The following TSPEAR variants were observed in gnomAD, a reference collection of about 807,000 sequenced individuals.
TSPEAR encodes thrombospondin type laminin G domain and EAR repeats.
TSPEAR carries 69 observed loss-of-function variants against 71.6 expected under a neutral mutation model. The observed-to-expected ratio is 0.96, with a 90% CI of 0.79 to 1.18. TSPEAR has a LOEUF of 1.18. Ranked by LOEUF, TSPEAR falls within the 50% of genes most tolerant of loss-of-function variation. TSPEAR has a pLI of 0.00. For missense variants in TSPEAR, 971 were observed against 894.9 expected (o/e 1.09, Z -1.09); for synonymous variants, 402 against 387.2 (o/e 1.04, Z -0.45).
intron 9 of TSPEAR, among the ~76,000 whole-genome samples, 183 bp from the exon 10 acceptor site, chr21:44,509,569 G>C (rs1036944625): frequency 2.0e-5 from 3 of 151,308 alleles, no homozygotes; most frequent in African/African-American, 7.3e-5. Flanking sequence ...GGGCGCAGAG[G>C]TGTGGGAGAG....
At chr21:44,608,317 G>C (rs1337926014) in intron 1 of TSPEAR, among the ~76,000 whole-genome samples, 1 of 152,148 alleles carries the variant, frequency 6.6e-6, no homozygotes, top group Non-Finnish European at 1.5e-5. Context: ...GCATGCCCTG[G>C]CTCATGAGAG....
chr21:44,532,405 T>C (rs782106632), intron 3 of TSPEAR, among the ~76,000 whole-genome samples: 2 of 152,178 alleles, frequency 1.3e-5, no homozygotes, highest in Non-Finnish European at 2.9e-5. Context: ...GGGAAGCTGC[T>C]GCTAGGTCAG....
chr21:44,673,148 C>G (rs981548138), intron 1 of TSPEAR, among the ~76,000 whole-genome samples: 2 of 152,090 alleles, frequency 1.3e-5, no homozygotes, highest in African/African-American at 2.4e-5. Flanking sequence ...CTAAAAATAG[C>G]AAGAAGAAAG....
At chr21:44,707,144 C>A (rs1601587826) in intron 1 of TSPEAR, among the ~76,000 whole-genome samples, 2 of 152,238 alleles carry the variant, frequency 1.3e-5, no homozygotes, top group Non-Finnish European at 2.9e-5. Flanking sequence ...CCCAGGCGAT[C>A]AGGGCGCGAA....
At chr21:44,526,872 G>C (rs373240187) in intron 7 of TSPEAR, among the ~76,000 whole-genome samples, 1 of 152,252 alleles carries the variant, frequency 6.6e-6, no homozygotes, top group African/African-American at 2.4e-5. Flanking sequence ...TGGCTCCCCT[G>C]AGCCTGGCCT....
Position 44,570,872 on chromosome 21 carries a change from G to A in TSPEAR, c.83-2867C>T, listed in dbSNP as rs190424091. ...AAGGGAACTCCATAAACAACACCAC[G>A]TGTTGTTTATCAAAACCTCAGATAA... On this transcript the variant is annotated intron_variant, in intron 1 of 11. Coordinates refer to ENST00000323084, the MANE Select transcript of TSPEAR (RefSeq NM_144991.3). Among the ~76,000 whole-genome samples the A allele has an allele frequency of 3.6e-3, 544 of 152,292 alleles. 2 individuals are homozygous for A. Among genetic ancestry groups the A allele is most frequent in the African/African-American group, 6.9e-3 (287 of 41,564 alleles).
chr21:44,672,279 T>C (rs1986091313), intron 1 of TSPEAR, among the ~76,000 whole-genome samples: 1 of 152,226 alleles, frequency 6.6e-6, no homozygotes, highest in Non-Finnish European at 1.5e-5. Context: ...AAAGCCTATT[T>C]AGCAAAATAG....
chr21:44,543,576 C>T (rs587768900), intron 2 of TSPEAR, among the ~76,000 whole-genome samples: 17 of 152,254 alleles, frequency 1.1e-4, no homozygotes, highest in African/African-American at 3.6e-4. Flanking sequence ...TTAAGTCATA[C>T]GGGATCATAG....
intron 1 of TSPEAR, among the ~76,000 whole-genome samples, chr21:44,577,742 T>C (rs1555924144): frequency 6.6e-6 from 1 of 152,192 alleles, no homozygotes; most frequent in East Asian, 1.9e-4. Flanking sequence ...GGGAAATAAA[T>C]AAAACCAAAC....
intron 1 of TSPEAR, among the ~76,000 whole-genome samples, chr21:44,581,667 G>A (rs930834123): frequency 9.8e-6 from 1 of 101,856 alleles, no homozygotes; most frequent in African/African-American, 4.0e-5. Flanking sequence ...CTCAGGAAGT[G>A]TTTTGCGCTC....
At chr21:44,575,554 C>T (rs940696199) in intron 1 of TSPEAR, among the ~76,000 whole-genome samples, 8 of 152,220 alleles carry the variant, frequency 5.3e-5, no homozygotes, top group African/African-American at 1.9e-4. Context: ...TTGGCCATTT[C>T]GGGCCCTTGG....
chr21:44,693,591 A>T (rs1987207476), intron 1 of TSPEAR, among the ~76,000 whole-genome samples: 1 of 152,180 alleles, frequency 6.6e-6, no homozygotes, highest in Admixed American at 6.5e-5. Flanking sequence ...ACTCATTAGG[A>T]AAATGGAAAT....
rs149254655 is a variant in TSPEAR, at chr21:44,527,213, C to A, written c.1149+79G>T. 4.6e-4 allele frequency: 639 copies of A among 1,374,490 alleles called. 3 individuals are homozygous for A. In the African/African-American group the frequency reaches 7.8e-3, roughly 17 times the overall value. The allele number at this position is 1,374,490 out of a possible 1,614,324, so 85.1% of individuals were successfully genotyped here. A position where few individuals can be genotyped will look rare whatever the true frequency, so the allele number is the denominator to read the frequency against. On this transcript the variant is annotated intron_variant, in intron 7 of 11. Transcript: ENST00000323084. ...TGAGAAACTCCTTTACCTGCAGAAT[C>A]AGTGTAGGGGGCCCCGCCTGTGGAC...
At chr21:44,606,820 T>C (rs1224065567) in intron 1 of TSPEAR, among the ~76,000 whole-genome samples, 1 of 151,932 alleles carries the variant, frequency 6.6e-6, no homozygotes, top group Non-Finnish European at 1.5e-5. Context: ...CTGTCAAACT[T>C]AGAAACAGAG....
At chr21:44,641,990 A>G (rs1359206657) in intron 1 of TSPEAR, among the ~76,000 whole-genome samples, 3 of 152,250 alleles carry the variant, frequency 2.0e-5, no homozygotes, top group African/African-American at 7.2e-5. Flanking sequence ...ACACCCATCA[A>G]GGAAAATCTA....
chr21:44,530,514 C>T (rs1190770153), intron 4 of TSPEAR, among the ~76,000 whole-genome samples: 3 of 149,802 alleles, frequency 2.0e-5, no homozygotes, highest in African/African-American at 7.6e-5. Context: ...CATCTCTCCA[C>T]GCATCCATCC....
At chr21:44,709,120 C>A (rs878127) in intron 1 of TSPEAR, among the ~76,000 whole-genome samples, 5 of 152,100 alleles carry the variant, frequency 3.3e-5, no homozygotes, top group Non-Finnish European at 2.9e-5. Flanking sequence ...CCCAGCCCCC[C>A]AGAGCCCACC....
At position 44,579,784 on chromosome 21, in the gene TSPEAR, C is replaced by T. The variant is rs7510443; in HGVS notation, c.83-11779G>A. 6.6e-3 allele frequency: 10,689 copies of T among 1,611,224 alleles called. 362 individuals are homozygous for T. In the African/African-American group the frequency reaches 0.092, roughly 14 times the overall value. On this transcript the variant is annotated intron_variant, in intron 1 of 11. Transcript: ENST00000323084. ...GGCCTCAGCAGGCCAGGGGGGAGCACGCGGGGCGGCAGAGGAGGGACACGC... is the reference window on the plus strand; with the variant it reads ...GGCCTCAGCAGGCCAGGGGGGAGCATGCGGGGCGGCAGAGGAGGGACACGC...
At chr21:44,578,783 A>T (rs1386505337) in intron 1 of TSPEAR, among the ~76,000 whole-genome samples, 6 of 152,154 alleles carry the variant, frequency 3.9e-5, no homozygotes. Flanking sequence ...AAAATCCCCC[A>T]GGTCTCAGCA....
Sources: gnomAD v4.1 joint callset for allele counts (sites outside exome capture counted in the v4.1 genomes callset) on GRCh38, gnomAD v4.1.1 for gene constraint, MANE v1.5 for transcripts, NCBI Gene and HGNC (gene_info 2026-07-23, HGNC 2026-07-21) for gene names.